NIPAL3: variants seen among roughly 807,000 people sequenced by gnomAD.
NIPAL3 encodes NIPA-like protein 3.
A neutral mutation model predicts 47.2 loss-of-function variants in NIPAL3; 41 were observed. The observed-to-expected ratio is 0.87, with a 90% CI of 0.68 to 1.13. NIPAL3 has a LOEUF of 1.13. Among genes scored for constraint, NIPAL3 ranks in the 50% most tolerant of loss-of-function variants. The pLI, the probability that NIPAL3 is intolerant of heterozygous loss-of-function variation, is 0.00. For synonymous variants in NIPAL3, 194 were observed against 209.6 expected (o/e 0.93, Z 0.64); for missense variants, 449 against 530.1 (o/e 0.85, Z 1.50).
rs1570344337 is a variant in NIPAL3 at position 24,454,235 on chromosome 1, C to T, written c.637+731C>T. 4.2e-6 allele frequency: 5 copies of T among 1,179,738 alleles called. No individual in the cohort carries two copies. The highest frequency in any genetic ancestry group is 5.3e-6 in the Non-Finnish European group (5 of 939,442). 73.1% of individuals were successfully genotyped at this position (1,179,738 alleles called of 1,614,324 possible). ...ATAGCTAAATAGAGCTGTGGGGAATCCATCCTTCCTGAGGAGAAGCAGACA... is the reference window on the plus strand; with the variant it reads ...ATAGCTAAATAGAGCTGTGGGGAATTCATCCTTCCTGAGGAGAAGCAGACA... On this transcript the variant is annotated intron_variant, in intron 7 of 11. Transcript: ENST00000374399. The surrounding 1 kb of genome is among the most constrained non-coding windows in gnomAD (Gnocchi z 4.1).
intron 2 of NIPAL3, among the ~76,000 whole-genome samples, chr1:24,427,600 ACACTT>A (rs1236299474): frequency 6.6e-6 from 1 of 152,068 alleles, no homozygotes; most frequent in Admixed American, 6.5e-5. Context: ...CCTTTGAAGG[ACACTT>A]CACAGAACAC....
At chr1:24,460,917 C>T (rs1570371782) in intron 10 of NIPAL3, among the ~76,000 whole-genome samples, 2 of 152,186 alleles carry the variant, frequency 1.3e-5, no homozygotes, top group South Asian at 4.1e-4. Context: ...TACTACCACA[C>T]TGTTAGCATA....
At chr1:24,425,855 C>T (rs1295002737) in intron 2 of NIPAL3, among the ~76,000 whole-genome samples, 3 of 152,148 alleles carry the variant, frequency 2.0e-5, no homozygotes, top group Admixed American at 2.0e-4. Context: ...GAAATCCTAC[C>T]CAGCCTTCCA....
chr1:24,440,283 C>T, intron 3 of NIPAL3, 43 bp downstream of exon 3: 7 of 1,467,104 alleles, frequency 4.8e-6, no homozygotes, highest in Non-Finnish European at 6.4e-6. Flanking sequence ...AGAGACACAG[C>T]AGACAAGTCA....
intron 8 of NIPAL3, among the ~76,000 whole-genome samples, chr1:24,458,499 G>A (rs548379837): frequency 2.0e-5 from 3 of 152,122 alleles, no homozygotes; most frequent in South Asian, 2.1e-4. Context: ...TAGGCAGAAC[G>A]TGATTAGTGC....
intron 2 of NIPAL3, among the ~76,000 whole-genome samples, chr1:24,421,104 C>A (rs1489310076): frequency 1.5e-4 from 23 of 151,878 alleles, no homozygotes; most frequent in Admixed American, 1.5e-3. Context: ...GATGGCTTGA[C>A]CTCTGGAGTT....
intron 6 of NIPAL3, among the ~76,000 whole-genome samples, chr1:24,452,938 G>A (rs1646014205): frequency 6.6e-6 from 1 of 150,596 alleles, no homozygotes; most frequent in Admixed American, 6.6e-5. Context: ...CTGACTTCAG[G>A]TGATCCACCC....
chr1:24,455,451 A>G (rs1172234913), intron 7 of NIPAL3, among the ~76,000 whole-genome samples: 1 of 152,252 alleles, frequency 6.6e-6, no homozygotes, highest in Non-Finnish European at 1.5e-5. Context: ...GAAAACAGAT[A>G]CACACATATT....
intron 2 of NIPAL3, among the ~76,000 whole-genome samples, chr1:24,424,692 C>G (rs1644491816): frequency 6.6e-6 from 1 of 152,190 alleles, no homozygotes; most frequent in Non-Finnish European, 1.5e-5. Flanking sequence ...GGTTCTAGAA[C>G]TCATACCTCC....
chr1:24,440,618 C>G (rs1645334405), intron 3 of NIPAL3, among the ~76,000 whole-genome samples: 1 of 152,210 alleles, frequency 6.6e-6, no homozygotes, highest in Non-Finnish European at 1.5e-5. Context: ...CCCTCTACAG[C>G]TGCTGTGGAT....
At chr1:24,444,289 A>G (rs1160160222) in intron 4 of NIPAL3, among the ~76,000 whole-genome samples, 3 of 152,168 alleles carry the variant, frequency 2.0e-5, no homozygotes, top group East Asian at 1.9e-4. Flanking sequence ...GTAATTTTCA[A>G]TGGTGGGCTG....
chr1:24,445,341 C>T, intron 5 of NIPAL3, 97 bp downstream of exon 5: 1 of 823,728 alleles, frequency 1.2e-6, no homozygotes. Context: ...TATCTGCCTC[C>T]TGCTGTCCTC....
Position 24,471,764 on chromosome 1 carries a change from AG to A in NIPAL3, c.*2584del, listed in dbSNP as rs1234021473. 5.9e-5 allele frequency: 9 copies of A among 152,124 alleles called. No individual in the cohort carries two copies. The highest frequency in any genetic ancestry group is 2.2e-4 in the African/African-American group (9 of 41,410). 9.4% of individuals were successfully genotyped at this position (152,124 alleles called of 1,614,324 possible). A position where few individuals can be genotyped will look rare whatever the true frequency, so the allele number is the denominator to read the frequency against. ...TGTTCAGTGTGGAGGAAGAATCAGAAGGGGGAATAAGTTACCTTCTCCGAGC... is the reference window on the plus strand; with the variant it reads ...TGTTCAGTGTGGAGGAAGAATCAGAAGGGGAATAAGTTACCTTCTCCGAGC... On this transcript the variant is annotated 3_prime_UTR_variant, in exon 12 of 12. Transcript: ENST00000374399.
Position 24,442,198 on chromosome 1 carries a change from C to G in NIPAL3, c.306C>G (p.Ile102Met), listed in dbSNP as rs779373663. 6.2e-7 allele frequency: 1 copy of G among 1,614,096 alleles called. No individual in the cohort carries two copies. Among genetic ancestry groups the G allele is most frequent in the Non-Finnish European group, 8.5e-7 (1 of 1,180,028 alleles). The part of the protein sequence containing the change: ...ASYAFAPLSL[I>M]VPLSAVSVIA... ...ACGCCTTCGCGCCGCTGTCACTCAT[C>G]GTGCCCCTCAGCGCAGTTTCTGTGA... Residue 102 changes from isoleucine to methionine, a missense_variant, in exon 4 of 12, where the codon ATC becomes ATG. Coordinates refer to ENST00000374399, the MANE Select transcript of NIPAL3 (RefSeq NM_020448.5).
chr1:24,419,824 T>C (rs1375644080), intron 2 of NIPAL3, 184 bp downstream of exon 2: 2 of 553,640 alleles, frequency 3.6e-6, no homozygotes, highest in Non-Finnish European at 6.5e-6. Flanking sequence ...GAGTGGTGGC[T>C]CACACCTGTA....
chr1:24,420,804 G>A lies in NIPAL3; in HGVS notation c.93+1164G>A, dbSNP rs539873247. Among the ~76,000 whole-genome samples, 92 of 152,268 alleles carry A rather than the reference G, an allele frequency of 6.0e-4. 1 individual carries two copies. The highest frequency in any genetic ancestry group is 1.4e-3 in the Admixed American group (22 of 15,300). ...ATCCTCATTGCTGGATATTCAGGCT[G>A]TCTCTAATCTGGAGTGGCTGTAAAC... On this transcript the variant is annotated intron_variant, in intron 2 of 11. Transcript: ENST00000374399.
intron 2 of NIPAL3, among the ~76,000 whole-genome samples, chr1:24,438,889 A>T (rs368350145): frequency 2.2e-5 from 1 of 44,862 alleles, no homozygotes; most frequent in African/African-American, 5.5e-5. Flanking sequence ...AGTGTGGTTT[A>T]AATGCTAGTA....
intron 2 of NIPAL3, among the ~76,000 whole-genome samples, chr1:24,426,565 C>G (rs1644600471): frequency 6.6e-6 from 1 of 152,122 alleles, no homozygotes; most frequent in South Asian, 2.1e-4. Flanking sequence ...GGAAGGTGTA[C>G]AGTTATCCTA....
intron 2 of NIPAL3, 114 bp downstream of exon 2, chr1:24,419,754 A>G: frequency 1.1e-6 from 1 of 893,246 alleles, no homozygotes; most frequent in Non-Finnish European, 1.8e-6. Flanking sequence ...ACTGGTAGAA[A>G]CAGGCAGGCT....
Sources: allele counts gnomAD v4.1 joint callset (sites outside exome capture counted in the v4.1 genomes callset), GRCh38; gene constraint gnomAD v4.1.1; non-coding constraint Gnocchi (gnomAD v3.1); transcripts MANE v1.5; gene names NCBI Gene and HGNC (gene_info 2026-07-23, HGNC 2026-07-21).